Variants in KLF12 observed in about 807,000 individuals in gnomAD.
The protein encoded by KLF12 is Krueppel-like factor 12.
KLF12 carries 9 observed loss-of-function variants against 37.8 expected under a neutral mutation model. The observed-to-expected ratio is 0.24, with a 90% CI of 0.14 to 0.42. The LOEUF (loss-of-function observed/expected upper bound fraction) is 0.42. Ranked by LOEUF, KLF12 falls within the 10% of genes least tolerant of loss-of-function variation. KLF12 has a pLI of 1.00. For missense variants in KLF12, 411 were observed against 516.0 expected, an observed-to-expected ratio of 0.80 and a Z score of 1.97; for synonymous variants, 208 against 202.1, an observed-to-expected ratio of 1.03 and a Z score of -0.25.
At chr13:73,751,726 A>G (rs559039632) in intron 6 of KLF12, among the ~76,000 whole-genome samples, 91 of 152,344 alleles carry the variant, frequency 6.0e-4, no homozygotes, top group African/African-American at 2.1e-3. Flanking sequence ...TGGAAGAAAG[A>G]CATCAGGGTA....
chr13:73,902,213 G>T (rs1196985179), intron 3 of KLF12, among the ~76,000 whole-genome samples: 1 of 152,182 alleles, frequency 6.6e-6, no homozygotes, highest in Non-Finnish European at 1.5e-5. Context: ...CAGAAAGACT[G>T]AAGAACAGTT....
At chr13:73,738,843 T>C (rs1192251792) in intron 6 of KLF12, among the ~76,000 whole-genome samples, 9 of 152,286 alleles carry the variant, frequency 5.9e-5, no homozygotes, top group African/African-American at 1.9e-4. Flanking sequence ...TGCCTGGTAT[T>C]GCAGTCAGAT....
At chr13:73,826,763 TAC>T (rs59262711) in intron 4 of KLF12, among the ~76,000 whole-genome samples, 32 of 149,384 alleles carry the variant, frequency 2.1e-4, no homozygotes, top group African/African-American at 5.4e-4. Flanking sequence ...ATATCATATC[TAC>T]ACACACACAC....
chr13:74,028,883 T>C (rs1025812420), intron 1 of KLF12, among the ~76,000 whole-genome samples: 1 of 152,062 alleles, frequency 6.6e-6, no homozygotes, highest in Admixed American at 6.6e-5. Context: ...TAAAAAGATC[T>C]AGAGAAATAG....
the KLF12 span, among the ~76,000 whole-genome samples, chr13:74,157,659 C>T: frequency 6.6e-6 from 1 of 152,196 alleles, no homozygotes; most frequent in Non-Finnish European, 1.5e-5. Flanking sequence ...ATTACAAAAT[C>T]CTGGGATGTA....
At chr13:73,720,944 C>A (rs947581343) in intron 6 of KLF12, among the ~76,000 whole-genome samples, 11 of 152,250 alleles carry the variant, frequency 7.2e-5, no homozygotes, top group Admixed American at 7.2e-4. Flanking sequence ...CATACACATC[C>A]CAGATTTAAA....
the KLF12 span, among the ~76,000 whole-genome samples, chr13:74,262,520 C>A: frequency 2.0e-5 from 3 of 152,102 alleles, no homozygotes; most frequent in Non-Finnish European, 4.4e-5. Context: ...AGTCTATGCC[C>A]ATCCTGTTGT....
the KLF12 span, among the ~76,000 whole-genome samples, chr13:74,149,306 C>T: frequency 6.6e-6 from 1 of 152,164 alleles, no homozygotes. Context: ...CTAAAATTAC[C>T]TTTTCTAAAA....
chr13:74,235,542 C>T, the KLF12 span, among the ~76,000 whole-genome samples: 7 of 152,112 alleles, frequency 4.6e-5, no homozygotes, highest in Non-Finnish European at 1.0e-4. Flanking sequence ...AAAATATGTA[C>T]ATCTGCTGTT....
chr13:74,291,784 A>C, the KLF12 span, among the ~76,000 whole-genome samples: 2 of 152,200 alleles, frequency 1.3e-5, no homozygotes, highest in African/African-American at 4.8e-5. Flanking sequence ...ACAAATCAGC[A>C]AAGATGATGT....
chr13:74,303,781 A>C, the KLF12 span, among the ~76,000 whole-genome samples: 1 of 152,034 alleles, frequency 6.6e-6, no homozygotes, highest in Non-Finnish European at 1.5e-5. Context: ...GAAATGCTGG[A>C]ATTGGAGCTC....
the KLF12 span, among the ~76,000 whole-genome samples, chr13:74,267,832 C>A: frequency 6.6e-6 from 1 of 152,106 alleles, no homozygotes; most frequent in African/African-American, 2.4e-5. Context: ...ATCAAAATAT[C>A]ACATGTACGT....
chr13:73,920,340 T>G (rs1217084986), intron 3 of KLF12, among the ~76,000 whole-genome samples: 1 of 152,164 alleles, frequency 6.6e-6, no homozygotes, highest in Non-Finnish European at 1.5e-5. Context: ...ATACATTTTT[T>G]TTTAATGTAT....
At chr13:74,253,330 T>G in the KLF12 span, among the ~76,000 whole-genome samples, 1 of 152,172 alleles carries the variant, frequency 6.6e-6, no homozygotes, top group Non-Finnish European at 1.5e-5. Context: ...TGCACACCCC[T>G]GCCCCCAACA....
At chr13:74,072,019 T>C (rs148951762) in intron 1 of KLF12, among the ~76,000 whole-genome samples, 26 of 152,124 alleles carry the variant, frequency 1.7e-4, no homozygotes, top group Non-Finnish European at 2.5e-4. Context: ...ACTTACATCA[T>C]ACTATATAGA....
At chr13:73,898,598 G>C (rs374421479) in intron 3 of KLF12, among the ~76,000 whole-genome samples, 2 of 152,148 alleles carry the variant, frequency 1.3e-5, no homozygotes, top group African/African-American at 4.8e-5. Context: ...GTGAATCATG[G>C]AGTCATGTGT....
intron 6 of KLF12, among the ~76,000 whole-genome samples, chr13:73,731,016 G>A (rs1877020002): frequency 6.6e-6 from 1 of 152,086 alleles, no homozygotes; most frequent in Non-Finnish European, 1.5e-5. Flanking sequence ...TTAAAGTCAA[G>A]GCCTTTATCA....
intron 1 of KLF12, among the ~76,000 whole-genome samples, chr13:74,100,890 A>T (rs1437608032): frequency 6.6e-6 from 1 of 152,118 alleles, no homozygotes; most frequent in Admixed American, 6.6e-5. Context: ...CATGGAGGGG[A>T]TCTCTCTGAA....
the KLF12 span, among the ~76,000 whole-genome samples, chr13:74,221,036 C>T: frequency 1.4e-5 from 2 of 147,712 alleles, no homozygotes; most frequent in African/African-American, 2.5e-5. Context: ...CAGAGTCTGG[C>T]TCTGTCGCCC....
Sources: gnomAD v4.1 joint callset for allele counts (sites outside exome capture counted in the v4.1 genomes callset) on GRCh38, gnomAD v4.1.1 for gene constraint, MANE v1.5 for transcripts, NCBI Gene and HGNC (gene_info 2026-07-23, HGNC 2026-07-21) for gene names.